MINK1: variants seen among roughly 807,000 people sequenced by gnomAD.
The protein encoded by MINK1 is misshapen like kinase 1, also known as misshapen-like kinase 1.
A neutral mutation model predicts 178.4 loss-of-function variants in MINK1; 46 were observed. The ratio of observed to expected loss-of-function variants is 0.26; its 90% CI spans 0.20 to 0.33. MINK1 has a LOEUF of 0.33. Ranked by LOEUF, MINK1 falls within the 10% of genes least tolerant of loss-of-function variation. MINK1 has a pLI of 1.00. For missense variants in MINK1, 1,366 were observed against 1,814.9 expected, an observed-to-expected ratio of 0.75 and a Z score of 4.49; for synonymous variants, 797 against 709.7, an observed-to-expected ratio of 1.12 and a Z score of -1.96.
intron 1 of MINK1, among the ~76,000 whole-genome samples, chr17:4,874,216 C>T (rs983643562): frequency 1.3e-5 from 2 of 152,082 alleles, no homozygotes; most frequent in Non-Finnish European, 2.9e-5. Flanking sequence ...GTGTCTAATT[C>T]GGGAGTTATT....
intron 1 of MINK1, among the ~76,000 whole-genome samples, chr17:4,866,609 CAAAAA>C (rs33971421): frequency 7.1e-6 from 1 of 141,456 alleles, no homozygotes; most frequent in Non-Finnish European, 1.5e-5. Context: ...CTGATTCTAC[CAAAAA>C]AAAAAAAAAA....
chr17:4,856,023 G>A (rs1913071559), intron 1 of MINK1, among the ~76,000 whole-genome samples: 1 of 151,834 alleles, frequency 6.6e-6, no homozygotes, highest in Admixed American at 6.6e-5. Context: ...TGGACAGTAG[G>A]AAATTGATGA....
intron 1 of MINK1, among the ~76,000 whole-genome samples, chr17:4,841,211 C>T (rs986296222): frequency 2.6e-5 from 4 of 152,120 alleles, no homozygotes; most frequent in Non-Finnish European, 4.4e-5. Flanking sequence ...TGGGCATCTC[C>T]GCACGGGCAC....
intron 1 of MINK1, among the ~76,000 whole-genome samples, chr17:4,849,068 G>A (rs1029419570): frequency 1.3e-5 from 2 of 152,188 alleles, no homozygotes; most frequent in African/African-American, 4.8e-5. Context: ...ATGGCTGAGA[G>A]TGAGTCAGTG....
intron 16 of MINK1, 49 bp downstream of exon 16, chr17:4,891,765 A>G: frequency 6.5e-7 from 1 of 1,549,400 alleles, no homozygotes; most frequent in South Asian, 1.2e-5. Context: ...CTAGTCATGA[A>G]GAGAAGGAGG....
intron 1 of MINK1, among the ~76,000 whole-genome samples, chr17:4,854,222 C>T (rs1348189339): frequency 2.0e-5 from 3 of 152,154 alleles, no homozygotes; most frequent in Non-Finnish European, 2.9e-5. Flanking sequence ...TTCTCCCTCA[C>T]TCCCTCCCCC....
intron 1 of MINK1, among the ~76,000 whole-genome samples, chr17:4,851,594 G>A (rs577573894): frequency 6.6e-6 from 1 of 151,958 alleles, no homozygotes; most frequent in Non-Finnish European, 1.5e-5. Context: ...TTTCTCCTCC[G>A]AGAAGCCTTC....
chr17:4,895,995 GC>G lies in MINK1; in HGVS notation c.3365-3del. Reference sequence around the variant, plus strand: ...AGTCTCAGCATCCCTCTTCTCTCCCGCCCCCAGTGAAATACGAGCGGATTAA... The same window carrying G: ...AGTCTCAGCATCCCTCTTCTCTCCCGCCCCAGTGAAATACGAGCGGATTAA... On this transcript the variant is annotated splice_region_variant and splice_polypyrimidine_tract_variant and intron_variant, in intron 27 of 31. Coordinates refer to ENST00000355280, the MANE Select transcript of MINK1 (RefSeq NM_153827.5). This position sits in a 1 kb window ranked among gnomAD's most constrained non-coding sequence, Gnocchi z 4.3. 6.3e-7 allele frequency: 1 copy of G among 1,587,350 alleles called. No individual in the cohort carries two copies.
In MINK1 at chr17:4,891,587, C is replaced by A; in HGVS notation, c.1872C>A (p.Pro624=). 6.2e-7 allele frequency: 1 copy of A among 1,605,320 alleles called. No homozygotes were observed. Among genetic ancestry groups the A allele is most frequent in the Non-Finnish European group, 8.5e-7 (1 of 1,176,528 alleles). Residue 624 remains proline (P), a synonymous_variant, in exon 16 of 32, where the codon CCC becomes CCA. Coordinates refer to ENST00000355280, the MANE Select transcript of MINK1 (RefSeq NM_153827.5). ...CCCATGACCCCGACCCTGCCATCCC[C>A]GCACCCACTGCCACGCCCAGTGCCC... ...PASHDPDPAI[P]APTATPSARG...
chr17:4,874,479 A>C (rs1330590675), intron 1 of MINK1, among the ~76,000 whole-genome samples: 1 of 152,214 alleles, frequency 6.6e-6, no homozygotes, highest in Admixed American at 6.5e-5. Context: ...ATTTTGGAAG[A>C]GTTAAATCAG....
chr17:4,855,146 G>GC (rs1912818478), intron 1 of MINK1, among the ~76,000 whole-genome samples: 1 of 150,308 alleles, frequency 6.7e-6, no homozygotes. Context: ...AACCTAGAAG[G>GC]GGAGGTTGCA....
intron 2 of MINK1, among the ~76,000 whole-genome samples, chr17:4,879,123 C>A (rs902686425): frequency 2.0e-5 from 3 of 150,930 alleles, no homozygotes; most frequent in Admixed American, 2.0e-4. Context: ...GTGGCCTGAC[C>A]ACTGCTGACA....
chr17:4,861,178 C>G (rs1914111282), intron 1 of MINK1, among the ~76,000 whole-genome samples: 2 of 152,176 alleles, frequency 1.3e-5, no homozygotes, highest in Admixed American at 1.3e-4. Context: ...ACAGGCAGCT[C>G]CCTAGTGAGG....
At position 4,867,149 on chromosome 17, in the gene MINK1, T is replaced by G. The variant is rs1429875670; in HGVS notation, c.58-11168T>G. Among the ~76,000 whole-genome samples, 77 of 138,974 alleles carry G rather than the reference T, an allele frequency of 5.5e-4. 1 individual carries two copies. The highest frequency in any genetic ancestry group is 1.5e-3 in the African/African-American group (56 of 36,990). 91.2% of individuals were successfully genotyped at this position (138,974 alleles called of 152,430 possible). On this transcript the variant is annotated intron_variant, in intron 1 of 31. Transcript: ENST00000355280. ...GTGCTCTTAGGACTGTTTTTTTTTT[T>G]TTTTTTTTTTTTTTTTAAGCCAGGG...
Position 4,892,191 on chromosome 17 carries a change from A to C in MINK1, c.2044A>C (p.Ser682Arg). The change falls in exon 17 of 32, where the codon AGT (serine) becomes CGT (arginine). Residue 682 changes from serine to arginine, a missense_variant. Coordinates refer to ENST00000355280, the MANE Select transcript of MINK1 (RefSeq NM_153827.5). ...ATCTATCGCCACTGCCCTTAACACC[A>C]GTGGGGCCGGAGGGTCCCGGCCAGC... ...TSSIATALNT[S>R]GAGGSRPAQA... The C allele has an allele frequency of 6.2e-7, 1 of 1,600,834 alleles. No individual in the cohort carries two copies. The highest frequency in any genetic ancestry group is 1.1e-5 in the South Asian group (1 of 88,788).
At chr17:4,884,341 C>T (rs375823541) in intron 4 of MINK1, 22 bp from the exon 5 acceptor site, 11 of 1,600,642 alleles carry the variant, frequency 6.9e-6, no homozygotes, top group African/African-American at 4.0e-5. Context: ...CTTTTCCTTT[C>T]GGTACCTTCC....
chr17:4,838,753 A>T (rs1447723387), intron 1 of MINK1, among the ~76,000 whole-genome samples: 1 of 152,158 alleles, frequency 6.6e-6, no homozygotes, highest in Non-Finnish European at 1.5e-5. Context: ...GACAAAGTTG[A>T]ATCAGAGAAA....
chr17:4,893,221 ACC>A (rs1415657697), intron 20 of MINK1, 154 bp downstream of exon 20: 2 of 1,518,398 alleles, frequency 1.3e-6, no homozygotes, highest in African/African-American at 4.1e-5. Context: ...ACCTTTCCTA[ACC>A]TCTCTCCTAA....
chr17:4,872,375 A>C (rs966908416), intron 1 of MINK1, among the ~76,000 whole-genome samples: 1 of 151,112 alleles, frequency 6.6e-6, no homozygotes, highest in Non-Finnish European at 1.5e-5. Flanking sequence ...ATGGTGCCTC[A>C]CCCCTGTAAT....
Sources: gnomAD v4.1 joint callset for allele counts (sites outside exome capture counted in the v4.1 genomes callset) on GRCh38, gnomAD v4.1.1 for gene constraint, Gnocchi (gnomAD v3.1) non-coding constraint, MANE v1.5 for transcripts, NCBI Gene and HGNC (gene_info 2026-07-23, HGNC 2026-07-21) for gene names.